Variants in LMBRD1 observed in about 807,000 individuals in gnomAD.
LMBRD1 encodes lysosomal cobalamin transport escort protein LMBD1.
LMBRD1 carries 64 observed loss-of-function variants against 74.8 expected under a neutral mutation model. The observed-to-expected ratio is 0.86, with a 90% CI of 0.70 to 1.05. The LOEUF (loss-of-function observed/expected upper bound fraction) is 1.05. Ranked by LOEUF, LMBRD1 falls within the 50% of genes least tolerant of loss-of-function variation. LMBRD1 has a pLI of 0.00. For missense variants in LMBRD1, 652 were observed against 645.9 expected, an observed-to-expected ratio of 1.01 and a Z score of -0.10; for synonymous variants, 204 against 216.3, an observed-to-expected ratio of 0.94 and a Z score of 0.50.
intron 9 of LMBRD1, among the ~76,000 whole-genome samples, chr6:69,703,458 A>G (rs1766178723): frequency 7.8e-6 from 1 of 128,102 alleles, no homozygotes; most frequent in Admixed American, 9.0e-5. Context: ...ATTTTGGCAA[A>G]AAAAAAAAAA....
At position 69,749,364 on chromosome 6, in the gene LMBRD1, A is replaced by T; in HGVS notation, c.450T>A (p.Ile150=). The T allele has an allele frequency of 6.2e-7, 1 of 1,612,710 alleles. No individual in the cohort carries two copies. Among genetic ancestry groups the T allele is most frequent in the Non-Finnish European group, 8.5e-7 (1 of 1,179,134 alleles). Residue 150 remains isoleucine (I), a synonymous_variant, in exon 5 of 16, where the codon ATT becomes ATA. Transcript: ENST00000649934. The part of the protein sequence containing the change: ...ALKYTLGFVV[I]CALLLLVGAF... The stretch of plus-strand genomic sequence containing the variant: ...ACCCAACTAAAAGAAGCAGTGCACA[A>T]ATCACAACAAATCCCAAAGTATACT...
At chr6:69,774,796 TAAAAG>T (rs888480175) in intron 3 of LMBRD1, among the ~76,000 whole-genome samples, 50 of 151,744 alleles carry the variant, frequency 3.3e-4, no homozygotes, top group African/African-American at 1.1e-3. Flanking sequence ...GGCAGTTTTA[TAAAAG>T]AAAAGAGTAG....
intron 3 of LMBRD1, among the ~76,000 whole-genome samples, chr6:69,773,746 T>C (rs1765622963): frequency 6.6e-6 from 1 of 152,238 alleles, no homozygotes; most frequent in Admixed American, 6.5e-5. Context: ...AAAAATCTTT[T>C]AAATGTACAT....
In LMBRD1 at chr6:69,762,494, A is replaced by G. The variant is rs74357362; in HGVS notation, c.308-10138T>C. ...AGGAAGTTACAAACTGTTTTTCCAA[A>G]ACAACTACACCATATTACATTCCCA... On this transcript the variant is annotated intron_variant, in intron 3 of 15. Coordinates refer to ENST00000649934, the MANE Select transcript of LMBRD1 (RefSeq NM_018368.4). Among the ~76,000 whole-genome samples, 1,059 of 152,204 alleles carry G rather than the reference A, an allele frequency of 7.0e-3. 22 individuals are homozygous for G. The East Asian group carries it at 0.078, about 11-fold the overall frequency.
At chr6:69,696,221 T>G (rs1467916003) in intron 14 of LMBRD1, among the ~76,000 whole-genome samples, 1 of 152,246 alleles carries the variant, frequency 6.6e-6, no homozygotes, top group African/African-American at 2.4e-5. Flanking sequence ...TCAGAAATTC[T>G]TTCAATTTAC....
In LMBRD1 at chr6:69,691,175, C is replaced by A. The variant is rs542637657; in HGVS notation, c.1417+6388G>T. Among the ~76,000 whole-genome samples, 5 of 139,812 alleles carry A rather than the reference C, an allele frequency of 3.6e-5. No individual in the cohort carries two copies. The South Asian group carries it at 1.1e-3, about 31-fold the overall frequency. 91.7% of individuals were successfully genotyped at this position (139,812 alleles called of 152,430 possible). The stretch of plus-strand genomic sequence containing the variant: ...TTTTTTTTTTTAACAATTTAAAGGA[C>A]AGATGATGCAATAATGTTTCATTTT... On this transcript the variant is annotated intron_variant, in intron 14 of 15. Coordinates refer to ENST00000649934, the MANE Select transcript of LMBRD1 (RefSeq NM_018368.4).
intron 9 of LMBRD1, 107 bp downstream of exon 9, chr6:69,713,538 T>G (rs1766426898): frequency 8.4e-7 from 1 of 1,184,886 alleles, no homozygotes; most frequent in Non-Finnish European, 1.2e-6. Context: ...CCAAATCCAT[T>G]TTAAGTACCA....
At chr6:69,701,373 G>T in intron 11 of LMBRD1, 70 bp downstream of exon 11, 1 of 864,300 alleles carries the variant, frequency 1.2e-6, no homozygotes, top group South Asian at 1.4e-5. Flanking sequence ...CAGGATGTCA[G>T]AATGTTTGCT....
At chr6:69,793,619 C>T (rs1554144435) in intron 1 of LMBRD1, among the ~76,000 whole-genome samples, 1 of 151,558 alleles carries the variant, frequency 6.6e-6, no homozygotes, top group Non-Finnish European at 1.5e-5. Flanking sequence ...AGATTACAGG[C>T]ATGAGATACC....
chr6:69,751,530 T>C (rs548710656), intron 4 of LMBRD1, among the ~76,000 whole-genome samples: 5 of 152,326 alleles, frequency 3.3e-5, no homozygotes, highest in African/African-American at 7.2e-5. Context: ...TTTCGCCATG[T>C]TGGCCAGGCT....
intron 3 of LMBRD1, among the ~76,000 whole-genome samples, chr6:69,752,620 G>A (rs1212894207): frequency 6.6e-6 from 1 of 152,120 alleles, no homozygotes; most frequent in Non-Finnish European, 1.5e-5. Context: ...ACTGGGTCAA[G>A]AACAATTGTG....
chr6:69,777,681 CAA>C (rs71750044), intron 3 of LMBRD1, among the ~76,000 whole-genome samples: 1 of 140,420 alleles, frequency 7.1e-6, no homozygotes, highest in African/African-American at 2.7e-5. Context: ...GTAGAAAATA[CAA>C]AAAAAAAAAG....
At chr6:69,703,333 ATAGCTGT>A (rs937063891) in intron 9 of LMBRD1, among the ~76,000 whole-genome samples, 1 of 151,948 alleles carries the variant, frequency 6.6e-6, no homozygotes, top group Non-Finnish European at 1.5e-5. Context: ...TTCCTTCCTA[ATAGCTGT>A]TAACAAAAAA....
chr6:69,738,132 A>C, intron 6 of LMBRD1, 117 bp from the exon 7 acceptor site: 2 of 734,182 alleles, frequency 2.7e-6, no homozygotes, highest in Non-Finnish European at 4.7e-6. Flanking sequence ...AAAAACCAAT[A>C]TGTATTACCG....
chr6:69,715,992 C>T (rs150353399), intron 8 of LMBRD1, among the ~76,000 whole-genome samples: 111 of 152,274 alleles, frequency 7.3e-4, no homozygotes, highest in African/African-American at 2.6e-3. Flanking sequence ...GTATATGTAA[C>T]ACATTTTCTT....
At chr6:69,715,472 A>T (rs1201009932) in intron 8 of LMBRD1, among the ~76,000 whole-genome samples, 2 of 151,564 alleles carry the variant, frequency 1.3e-5, no homozygotes. Context: ...CTAAGATGTA[A>T]ACTCAGCAGT....
In LMBRD1 at chr6:69,700,758, T is replaced by A. The variant is rs375681915; in HGVS notation, c.1188+7A>T. The A allele has an allele frequency of 6.7e-6, 10 of 1,485,204 alleles. No individual in the cohort carries two copies. In the East Asian group the frequency reaches 2.2e-4, roughly 32 times the overall value. 92.0% of individuals were successfully genotyped at this position (1,485,204 alleles called of 1,614,324 possible). A position where few individuals can be genotyped will look rare whatever the true frequency, so the allele number is the denominator to read the frequency against. ...GAGAAAAAAATAATACTGTAATATA[T>A]ACTTACTCTAATCCAAAAGAACCAT... On this transcript the variant is annotated splice_region_variant and intron_variant, in intron 12 of 15. Transcript: ENST00000649934.
intron 9 of LMBRD1, among the ~76,000 whole-genome samples, chr6:69,703,531 A>G (rs1239001758): frequency 2.0e-5 from 3 of 151,928 alleles, no homozygotes; most frequent in African/African-American, 7.2e-5. Flanking sequence ...TGACTGACCC[A>G]GAGTTAGACT....
chr6:69,711,603 T>C (rs1441283224), intron 9 of LMBRD1, among the ~76,000 whole-genome samples: 1 of 151,872 alleles, frequency 6.6e-6, no homozygotes, highest in African/African-American at 2.4e-5. Flanking sequence ...CACCTTGGGG[T>C]AAAAAAAACT....
Sources: gnomAD v4.1 joint callset for allele counts (sites outside exome capture counted in the v4.1 genomes callset) on GRCh38, gnomAD v4.1.1 for gene constraint, MANE v1.5 for transcripts, NCBI Gene and HGNC (gene_info 2026-07-23, HGNC 2026-07-21) for gene names.